LPP: variants seen among roughly 807,000 people sequenced by gnomAD.
The protein encoded by LPP is lipoma-preferred partner.
In LPP, 38 loss-of-function variants were observed where a neutral mutation model predicts 60.4. That is an observed-to-expected ratio of 0.63 (90% CI 0.49 to 0.83). LPP has a LOEUF of 0.83. Among genes scored for constraint, LPP ranks in the 40% least tolerant of loss-of-function variants. LPP has a pLI of 0.00. For missense variants in LPP, 902 were observed against 783.6 expected (o/e 1.15, Z -1.80); for synonymous variants, 328 against 290.8 (o/e 1.13, Z -1.30).
intron 6 of LPP, among the ~76,000 whole-genome samples, chr3:188,564,490 T>G (rs1365292442): frequency 1.3e-5 from 2 of 152,012 alleles, no homozygotes; most frequent in African/African-American, 4.8e-5. Flanking sequence ...ATAGATTTAG[T>G]CATTTTTTAA....
chr3:188,714,845 A>G (rs533894231), intron 8 of LPP, among the ~76,000 whole-genome samples: 5 of 152,224 alleles, frequency 3.3e-5, no homozygotes, highest in African/African-American at 9.6e-5. Flanking sequence ...GTGTCTTTCC[A>G]TTAATACTGG....
At chr3:188,363,546 A>T (rs13060078) in intron 3 of LPP, among the ~76,000 whole-genome samples, 1 of 151,986 alleles carries the variant, frequency 6.6e-6, no homozygotes, top group Non-Finnish European at 1.5e-5. Context: ...ACATTTTCCT[A>T]GGTGTATGGG....
At chr3:188,839,842 C>A (rs1247267837) in intron 9 of LPP, among the ~76,000 whole-genome samples, 1 of 152,142 alleles carries the variant, frequency 6.6e-6, no homozygotes, top group Admixed American at 6.5e-5. Flanking sequence ...CACTCCACTG[C>A]ACTCCAGCCT....
At chr3:188,345,139 G>T (rs140695339) in intron 3 of LPP, among the ~76,000 whole-genome samples, 2 of 152,278 alleles carry the variant, frequency 1.3e-5, no homozygotes, top group East Asian at 3.9e-4. Context: ...CTACATAGTT[G>T]TATCTTTAAG....
At chr3:188,316,600 T>G (rs1287390546) in intron 2 of LPP, among the ~76,000 whole-genome samples, 1 of 152,150 alleles carries the variant, frequency 6.6e-6, no homozygotes. Flanking sequence ...AGGATAGAAA[T>G]GATAACGATG....
intron 9 of LPP, among the ~76,000 whole-genome samples, chr3:188,840,621 C>T (rs890710135): frequency 6.6e-6 from 1 of 152,194 alleles, no homozygotes; most frequent in Admixed American, 6.5e-5. Context: ...ACCTCAGCCT[C>T]TCAAGTAACT....
intron 7 of LPP, among the ~76,000 whole-genome samples, chr3:188,645,820 A>C (rs1003997465): frequency 3.3e-5 from 5 of 151,858 alleles, no homozygotes; most frequent in South Asian, 2.1e-4. Flanking sequence ...AAAAAAAAAA[A>C]CAGAAAATAA....
At chr3:188,635,949 G>A (rs1848649200) in intron 7 of LPP, among the ~76,000 whole-genome samples, 1 of 152,216 alleles carries the variant, frequency 6.6e-6, no homozygotes, top group African/African-American at 2.4e-5. Context: ...AGAGTCACCT[G>A]TTTTACCCAA....
intron 6 of LPP, among the ~76,000 whole-genome samples, chr3:188,556,206 G>A (rs1338995979): frequency 3.9e-5 from 6 of 152,026 alleles, no homozygotes; most frequent in African/African-American, 1.2e-4. Context: ...TGTCAAAGTC[G>A]AGGCCCCTCT....
At chr3:188,854,562 A>G (rs988274933) in intron 9 of LPP, among the ~76,000 whole-genome samples, 1 of 152,200 alleles carries the variant, frequency 6.6e-6, no homozygotes, top group Non-Finnish European at 1.5e-5. Flanking sequence ...CTTGTTCTCA[A>G]CAGAAGCCAA....
chr3:188,410,152 A>G lies in LPP; in HGVS notation c.193+3839A>G, dbSNP rs554029866. 4.6e-5 allele frequency among the ~76,000 whole-genome samples: 7 copies of G among 152,300 alleles called. No individual in the cohort carries two copies. In the South Asian group the frequency reaches 6.2e-4, roughly 14 times the overall value. ...TCAACAGCACCTAGCAGGATACCTGACACATACTAGGAACTCAATAGTGTT... is the reference window on the plus strand; with the variant it reads ...TCAACAGCACCTAGCAGGATACCTGGCACATACTAGGAACTCAATAGTGTT... On this transcript the variant is annotated intron_variant, in intron 4 of 11. Transcript: ENST00000617246.
intron 2 of LPP, among the ~76,000 whole-genome samples, chr3:188,295,151 T>G (rs1012630767): frequency 3.1e-4 from 47 of 152,346 alleles, no homozygotes; most frequent in African/African-American, 1.1e-3. Context: ...CAAACAGTTC[T>G]CTTTGATTAA....
At chr3:188,600,278 A>G (rs1052263673) in intron 6 of LPP, among the ~76,000 whole-genome samples, 5 of 149,100 alleles carry the variant, frequency 3.4e-5, no homozygotes, top group African/African-American at 9.8e-5. Flanking sequence ...ATGCCTATAT[A>G]ATATATATTT....
intron 7 of LPP, among the ~76,000 whole-genome samples, chr3:188,644,202 AGAGCATCCTG>A (rs1222386291): frequency 3.3e-5 from 5 of 152,210 alleles, no homozygotes; most frequent in Admixed American, 6.5e-5. Context: ...AGAACAATTT[AGAGCATCCTG>A]GTTTGAAAGA....
At chr3:188,395,055 A>G (rs1378637903) in intron 3 of LPP, among the ~76,000 whole-genome samples, 1 of 152,210 alleles carries the variant, frequency 6.6e-6, no homozygotes, top group Non-Finnish European at 1.5e-5. Context: ...ATTTCAGAGT[A>G]TATAATGCAT....
chr3:188,461,485 C>A (rs1041362232), intron 4 of LPP, among the ~76,000 whole-genome samples: 1 of 152,008 alleles, frequency 6.6e-6, no homozygotes, highest in Non-Finnish European at 1.5e-5. Context: ...GTGATATGTT[C>A]AATAATTTTT....
At chr3:188,733,315 G>A (rs1472131274) in intron 8 of LPP, among the ~76,000 whole-genome samples, 1 of 151,512 alleles carries the variant, frequency 6.6e-6, no homozygotes, top group East Asian at 1.9e-4. Context: ...GTGTGTGTGT[G>A]TGTACATTTA....
At chr3:188,503,276 A>G (rs1812444022) in intron 5 of LPP, among the ~76,000 whole-genome samples, 1 of 152,180 alleles carries the variant, frequency 6.6e-6, no homozygotes, top group African/African-American at 2.4e-5. Flanking sequence ...TGATGTAACA[A>G]AATTACATCT....
chr3:188,466,749 T>C (rs1800473767), intron 4 of LPP, among the ~76,000 whole-genome samples: 1 of 146,324 alleles, frequency 6.8e-6, no homozygotes, highest in Non-Finnish European at 1.5e-5. Flanking sequence ...GTCTCAGTTA[T>C]ATTTTTGTCT....
Sources: gnomAD v4.1 joint callset for allele counts (sites outside exome capture counted in the v4.1 genomes callset) on GRCh38, gnomAD v4.1.1 for gene constraint, MANE v1.5 for transcripts, NCBI Gene and HGNC (gene_info 2026-07-23, HGNC 2026-07-21) for gene names.